Variants in MECOM observed in about 807,000 individuals in gnomAD.
MECOM encodes the protein MDS1 and EVI1 complex locus.
In MECOM, 13 loss-of-function variants were observed where a neutral mutation model predicts 116.3. The observed-to-expected ratio is 0.11, with a 90% CI of 0.07 to 0.18. The LOEUF is 0.18. Ranked by LOEUF, MECOM falls within the 10% of genes least tolerant of loss-of-function variation. MECOM has a pLI of 1.00. For synonymous variants in MECOM, 528 were observed against 535.2 expected (o/e 0.99, Z 0.19); for missense variants, 1,299 against 1,509.0 (o/e 0.86, Z 2.31).
chr3:169,224,775 G>C (rs190029285), intron 2 of MECOM, among the ~76,000 whole-genome samples: 4 of 152,188 alleles, frequency 2.6e-5, no homozygotes, highest in Non-Finnish European at 5.9e-5. Context: ...AAGGGGGCCC[G>C]TAGAGAATCA....
chr3:169,257,833 G>A (rs1436422842), intron 2 of MECOM, among the ~76,000 whole-genome samples: 17 of 152,154 alleles, frequency 1.1e-4, no homozygotes, highest in Non-Finnish European at 2.1e-4. Flanking sequence ...GTTTAGAGAT[G>A]TAACCTATAT....
At chr3:169,639,759 G>T (rs190998694) in intron 1 of MECOM, among the ~76,000 whole-genome samples, 3 of 152,252 alleles carry the variant, frequency 2.0e-5, no homozygotes, top group African/African-American at 7.2e-5. Context: ...TATTAAGATA[G>T]GATATATAAT....
chr3:169,592,204 G>A (rs1766505788), intron 1 of MECOM, among the ~76,000 whole-genome samples: 1 of 152,104 alleles, frequency 6.6e-6, no homozygotes, highest in Non-Finnish European at 1.5e-5. Flanking sequence ...CAAAACACTA[G>A]ATTAAAAATT....
chr3:169,134,182 A>G (rs1489532389), intron 3 of MECOM, among the ~76,000 whole-genome samples: 2 of 152,200 alleles, frequency 1.3e-5, no homozygotes, highest in Non-Finnish European at 2.9e-5. Flanking sequence ...ATTCCATTTT[A>G]GATTTACTCA....
intron 1 of MECOM, among the ~76,000 whole-genome samples, chr3:169,450,313 TCAC>T (rs1745337647): frequency 1.3e-5 from 2 of 152,022 alleles, no homozygotes; most frequent in Admixed American, 1.3e-4. Flanking sequence ...AGGAAGAAAA[TCAC>T]CACAAGAATT....
chr3:169,568,182 T>C (rs1763469517), intron 1 of MECOM, among the ~76,000 whole-genome samples: 1 of 152,184 alleles, frequency 6.6e-6, no homozygotes, highest in African/African-American at 2.4e-5. Flanking sequence ...GACAGTGTAC[T>C]CTGGCCCAGA....
intron 2 of MECOM, among the ~76,000 whole-genome samples, chr3:169,209,102 C>T (rs1750356616): frequency 6.6e-6 from 1 of 152,106 alleles, no homozygotes. Context: ...GGAAAGGATT[C>T]CCTATTTAAT....
At chr3:169,237,238 C>G (rs1371414798) in intron 2 of MECOM, among the ~76,000 whole-genome samples, 3 of 152,064 alleles carry the variant, frequency 2.0e-5, no homozygotes, top group African/African-American at 7.2e-5. Flanking sequence ...GAAAATATTT[C>G]TTTGGTCACA....
intron 1 of MECOM, among the ~76,000 whole-genome samples, chr3:169,518,534 T>A (rs1756978801): frequency 6.6e-6 from 1 of 152,194 alleles, no homozygotes; most frequent in African/African-American, 2.4e-5. Flanking sequence ...CTCCCATAAA[T>A]TCAAAGCTTC....
chr3:169,332,334 AC>A (rs1722887731), intron 2 of MECOM, among the ~76,000 whole-genome samples: 1 of 152,054 alleles, frequency 6.6e-6, no homozygotes, highest in African/African-American at 2.4e-5. Flanking sequence ...AAAACTAACC[AC>A]AAGTTTATAA....
intron 2 of MECOM, among the ~76,000 whole-genome samples, chr3:169,360,224 A>G (rs1206889038): frequency 6.7e-6 from 1 of 149,948 alleles, no homozygotes; most frequent in Non-Finnish European, 1.5e-5. Context: ...GTAAGAAAAA[A>G]GCTCCTTTCT....
chr3:169,200,790 T>C (rs1346534749), intron 2 of MECOM, among the ~76,000 whole-genome samples: 2 of 152,088 alleles, frequency 1.3e-5, no homozygotes, highest in Non-Finnish European at 2.9e-5. Context: ...CTAGAGACCA[T>C]GGCTTCATTC....
In MECOM at chr3:169,570,933, C is replaced by T. The variant is rs1329338939; in HGVS notation, c.37+92403G>A. On this transcript the variant is annotated intron_variant, in intron 1 of 16. Coordinates refer to ENST00000651503, the MANE Select transcript of MECOM (RefSeq NM_004991.4). ...ATTCCCTTTGAAAACCAGCACAAGA[C>T]AAGGATGCCCTCTCTCACCACTCCT... is the stretch of plus-strand genomic sequence containing the variant. Among the ~76,000 whole-genome samples the T allele has an allele frequency of 2.6e-5, 4 of 152,154 alleles. No individual in the cohort carries two copies. The East Asian group carries it at 7.7e-4, about 29-fold the overall frequency.
intron 2 of MECOM, among the ~76,000 whole-genome samples, chr3:169,313,959 C>G (rs1363417093): frequency 7.2e-5 from 11 of 152,196 alleles, no homozygotes; most frequent in Non-Finnish European, 1.6e-4. Context: ...TCCATTTTAT[C>G]AAGTCACAGA....
intron 2 of MECOM, among the ~76,000 whole-genome samples, chr3:169,344,458 G>A (rs574213758): frequency 6.6e-6 from 1 of 152,228 alleles, no homozygotes; most frequent in South Asian, 2.1e-4. Context: ...TGTAAATGGG[G>A]TAACCTTAAA....
chr3:169,371,782 A>G (rs926334010), intron 2 of MECOM, among the ~76,000 whole-genome samples: 1 of 152,012 alleles, frequency 6.6e-6, no homozygotes, highest in African/African-American at 2.4e-5. Flanking sequence ...ATTATTTGTC[A>G]GCCTCCTGAT....
intron 2 of MECOM, among the ~76,000 whole-genome samples, chr3:169,349,651 A>G (rs975378334): frequency 6.6e-6 from 1 of 151,966 alleles, no homozygotes; most frequent in Non-Finnish European, 1.5e-5. Flanking sequence ...GAAGACCTGT[A>G]TATTTCCCGT....
chr3:169,564,567 T>A (rs574050742), intron 1 of MECOM, among the ~76,000 whole-genome samples: 1 of 152,186 alleles, frequency 6.6e-6, no homozygotes, highest in Non-Finnish European at 1.5e-5. Context: ...GTTAGTCAAA[T>A]AGAGTTTACT....
At chr3:169,384,658 G>T (rs565160967) in intron 1 of MECOM, among the ~76,000 whole-genome samples, 2 of 152,248 alleles carry the variant, frequency 1.3e-5, no homozygotes, top group East Asian at 3.9e-4. Flanking sequence ...CTCTATAAAT[G>T]TGTCCATGTA....
Sources: allele counts gnomAD v4.1 joint callset (sites outside exome capture counted in the v4.1 genomes callset), GRCh38; gene constraint gnomAD v4.1.1; transcripts MANE v1.5; gene names NCBI Gene and HGNC (gene_info 2026-07-23, HGNC 2026-07-21).